Variants in SPATS2L observed in about 807,000 individuals in gnomAD.
SPATS2L encodes the protein spermatogenesis associated serine rich 2 like.
Under a neutral mutation model 59.6 loss-of-function variants are expected in SPATS2L, and 30 were observed. The ratio of observed to expected loss-of-function variants is 0.50; its 90% CI spans 0.38 to 0.68. The LOEUF (loss-of-function observed/expected upper bound fraction) is 0.68. SPATS2L is among the 30% of genes least tolerant of loss of function. SPATS2L has a pLI of 0.00. For missense variants in SPATS2L, 615 were observed against 700.0 expected (o/e 0.88, Z 1.37); for synonymous variants, 252 against 263.5 (o/e 0.96, Z 0.42).
intron 4 of SPATS2L, among the ~76,000 whole-genome samples, chr2:200,414,446 G>A (rs931568737): frequency 4.6e-5 from 7 of 152,082 alleles, no homozygotes; most frequent in African/African-American, 1.7e-4. Context: ...TGGACAACAT[G>A]GCGAGACACT....
At chr2:200,455,059 G>A (rs1211435131) in intron 8 of SPATS2L, among the ~76,000 whole-genome samples, 1 of 152,150 alleles carries the variant, frequency 6.6e-6, no homozygotes, top group African/African-American at 2.4e-5. Flanking sequence ...TTACTCATAA[G>A]CTTATGTCTC....
chr2:200,363,803 T>C (rs898750453), intron 2 of SPATS2L, among the ~76,000 whole-genome samples: 1 of 152,196 alleles, frequency 6.6e-6, no homozygotes, highest in African/African-American at 2.4e-5. Flanking sequence ...TTAATTTCTG[T>C]GGTCAAAGCT....
At chr2:200,379,234 G>A (rs2081712913) in intron 2 of SPATS2L, among the ~76,000 whole-genome samples, 4 of 152,158 alleles carry the variant, frequency 2.6e-5, no homozygotes, top group Admixed American at 2.6e-4. Flanking sequence ...GCTCAACCAG[G>A]TACTGAATAA....
At chr2:200,387,832 T>C (rs1242176468) in intron 2 of SPATS2L, among the ~76,000 whole-genome samples, 1 of 152,236 alleles carries the variant, frequency 6.6e-6, no homozygotes, top group Admixed American at 6.5e-5. Flanking sequence ...TGTTTGTGCA[T>C]TTAAGTCATT....
chr2:200,432,033 T>C (rs1484934608), intron 6 of SPATS2L, among the ~76,000 whole-genome samples: 1 of 152,236 alleles, frequency 6.6e-6, no homozygotes, highest in East Asian at 1.9e-4. Context: ...AAAAATAATT[T>C]GGCAAAGCAT....
At chr2:200,472,709 A>G (rs1282207448) in intron 11 of SPATS2L, 123 bp from the exon 12 acceptor site, 1 of 817,090 alleles carries the variant, frequency 1.2e-6, no homozygotes, top group Non-Finnish European at 1.9e-6. Flanking sequence ...TTCAAAAGAA[A>G]ACTTTTTAAT....
rs1456070427 is a variant in SPATS2L, at chr2:200,481,597, A to C, written c.*3566A>C. The stretch of plus-strand genomic sequence containing the variant: ...CACGCTGCCTGCTTAAAGCGCCCTC[A>C]TGTGTCTACAGATGGTAAAACGTTT... On this transcript the variant is annotated 3_prime_UTR_variant, in exon 13 of 13. Transcript: ENST00000409140. 1 of 152,214 alleles carries C rather than the reference A, an allele frequency of 6.6e-6. No homozygotes were observed. Among genetic ancestry groups the C allele is most frequent in the Non-Finnish European group, 1.5e-5 (1 of 68,050 alleles). The allele number at this position is 152,214 out of a possible 1,614,324, so 9.4% of individuals were successfully genotyped here.
chr2:200,467,244 T>C (rs373528852), intron 9 of SPATS2L, 46 bp from the exon 10 acceptor site: 1 of 1,242,428 alleles, frequency 8.0e-7, no homozygotes, highest in African/African-American at 1.5e-5. Context: ...TTATTTAATA[T>C]GTTTCAATCT....
chr2:200,374,328 T>C (rs1232482012), intron 2 of SPATS2L, among the ~76,000 whole-genome samples: 1 of 152,270 alleles, frequency 6.6e-6, no homozygotes, highest in African/African-American at 2.4e-5. Context: ...ATTCCGATCA[T>C]TGCCAGTATT....
Position 200,329,941 on chromosome 2 carries a change from C to T in SPATS2L, c.-23+461C>T, listed in dbSNP as rs540613164. Among the ~76,000 whole-genome samples, 12 of 152,274 alleles carry T rather than the reference C, an allele frequency of 7.9e-5. No individual in the cohort carries two copies. The East Asian group carries it at 1.7e-3, about 22-fold the overall frequency. ...CTTCTTATTGAAGAATGTGCTCCCA[C>T]GATTGCAGAAGTCTGACTTGGAATT... On this transcript the variant is annotated intron_variant, in intron 2 of 12. Transcript: ENST00000409140.
At chr2:200,380,323 G>A (rs1053498011) in intron 2 of SPATS2L, among the ~76,000 whole-genome samples, 4 of 152,336 alleles carry the variant, frequency 2.6e-5, no homozygotes, top group Non-Finnish European at 4.4e-5. Context: ...AGCTGGGACT[G>A]CCATAAAGTG....
Position 200,344,338 on chromosome 2 carries a change from A to G in SPATS2L, c.-23+14858A>G, listed in dbSNP as rs1574450716. On this transcript the variant is annotated intron_variant, in intron 2 of 12. Transcript: ENST00000409140. Reference sequence around the variant, plus strand: ...ACACAACATTTTGTTTTCTGTTCCTATGTTAGTTTGCTAAGGATAATGGCC... The same window carrying G: ...ACACAACATTTTGTTTTCTGTTCCTGTGTTAGTTTGCTAAGGATAATGGCC... Among the ~76,000 whole-genome samples, 2 of 152,086 alleles carry G rather than the reference A, an allele frequency of 1.3e-5. 1 individual carries two copies. The highest frequency in any genetic ancestry group is 4.1e-4 in the South Asian group (2 of 4,826).
chr2:200,384,634 G>A (rs2081934067), intron 2 of SPATS2L, among the ~76,000 whole-genome samples: 1 of 152,178 alleles, frequency 6.6e-6, no homozygotes, highest in Non-Finnish European at 1.5e-5. Context: ...TTACAGACGT[G>A]AGCCACCGCG....
intron 3 of SPATS2L, among the ~76,000 whole-genome samples, chr2:200,406,845 A>G (rs1485447260): frequency 6.6e-6 from 1 of 152,226 alleles, no homozygotes; most frequent in African/African-American, 2.4e-5. Flanking sequence ...AAATGAAAGA[A>G]GAAGAGGGGG....
chr2:200,384,643 C>T (rs551234039), intron 2 of SPATS2L, among the ~76,000 whole-genome samples: 16 of 152,272 alleles, frequency 1.1e-4, no homozygotes, highest in Middle Eastern at 3.4e-3. Flanking sequence ...TGAGCCACCG[C>T]GCCCAGCTGT....
intron 2 of SPATS2L, among the ~76,000 whole-genome samples, chr2:200,355,292 A>T (rs192705769): frequency 5.9e-5 from 9 of 152,358 alleles, no homozygotes; most frequent in Admixed American, 5.2e-4. Context: ...CACCCCAGAC[A>T]TAGCCTCTGG....
intron 6 of SPATS2L, among the ~76,000 whole-genome samples, chr2:200,425,121 TCCCCCCGCCCCCCCCC>T (rs2083486058): frequency 6.2e-5 from 1 of 16,064 alleles, no homozygotes; most frequent in African/African-American, 2.5e-4. Context: ...GAATGTTAGT[TCCCCCCGCCCCCCCCC>T]CCCCCCGCCA....
chr2:200,389,807 TC>T (rs2082116221), intron 3 of SPATS2L: 1 of 152,934 alleles, frequency 6.5e-6, no homozygotes, highest in South Asian at 2.1e-4. Flanking sequence ...ACTCTGAAAA[TC>T]CCCACTTCTC....
At chr2:200,367,159 A>G (rs558146680) in intron 2 of SPATS2L, among the ~76,000 whole-genome samples, 1 of 152,288 alleles carries the variant, frequency 6.6e-6, no homozygotes, top group South Asian at 2.1e-4. Flanking sequence ...TTCGTTAAAC[A>G]TTTTCTTGCC....
Sources: gnomAD v4.1 joint callset for allele counts (sites outside exome capture counted in the v4.1 genomes callset) on GRCh38, gnomAD v4.1.1 for gene constraint, MANE v1.5 for transcripts, NCBI Gene and HGNC (gene_info 2026-07-23, HGNC 2026-07-21) for gene names.